Variants in PTDSS2 observed in about 807,000 individuals in gnomAD.
The protein encoded by PTDSS2 is PSS-2.
A neutral mutation model predicts 64.7 loss-of-function variants in PTDSS2; 41 were observed. The observed-to-expected ratio is 0.63, with a 90% CI of 0.49 to 0.82. The LOEUF (loss-of-function observed/expected upper bound fraction) is 0.82. Ranked by LOEUF, PTDSS2 falls within the 40% of genes least tolerant of loss-of-function variation. The pLI, the probability that PTDSS2 is intolerant of heterozygous loss-of-function variation, is 0.00. For missense variants in PTDSS2, 485 were observed against 650.0 expected, an observed-to-expected ratio of 0.75 and a Z score of 2.76; for synonymous variants, 297 against 277.8, an observed-to-expected ratio of 1.07 and a Z score of -0.69.
At chr11:478,989 C>A in intron 3 of PTDSS2, 96 bp from the exon 4 acceptor site, 1 of 927,784 alleles carries the variant, frequency 1.1e-6, no homozygotes, top group Non-Finnish European at 1.8e-6. Context: ...CCAGAAGAGA[C>A]ACTGGGTGTG....
chr11:486,374 T>A (rs1848387969), intron 4 of PTDSS2, among the ~76,000 whole-genome samples: 1 of 152,122 alleles, frequency 6.6e-6, no homozygotes, highest in Non-Finnish European at 1.5e-5. Context: ...TAGACCCCCA[T>A]GTCCTGAAGC....
At chr11:467,048 C>A (rs1003499150) in intron 2 of PTDSS2, among the ~76,000 whole-genome samples, 2 of 151,984 alleles carry the variant, frequency 1.3e-5, no homozygotes, top group Non-Finnish European at 2.9e-5. Flanking sequence ...GAGCAAGACC[C>A]TCTCTTTCAA....
intron 4 of PTDSS2, among the ~76,000 whole-genome samples, chr11:485,710 G>A (rs868675886): frequency 7.3e-6 from 1 of 136,788 alleles, no homozygotes; most frequent in Non-Finnish European, 1.7e-5. Flanking sequence ...CTGCGCAGGC[G>A]AGTGTAAACT....
intron 2 of PTDSS2, among the ~76,000 whole-genome samples, chr11:464,306 C>T (rs1280486322): frequency 6.6e-6 from 1 of 152,190 alleles, no homozygotes; most frequent in East Asian, 1.9e-4. Flanking sequence ...CTTGAGTCAA[C>T]GTTATTGACC....
At chr11:459,962 TC>T (rs1395298426) in intron 1 of PTDSS2, 12 of 539,736 alleles carry the variant, frequency 2.2e-5, no homozygotes, top group Non-Finnish European at 3.3e-6. Flanking sequence ...ACGGGGCTCT[TC>T]CTGTCCAGCC....
chr11:452,368 A>G (rs1445348225), intron 1 of PTDSS2, among the ~76,000 whole-genome samples: 1 of 152,258 alleles, frequency 6.6e-6, no homozygotes, highest in Non-Finnish European at 1.5e-5. Flanking sequence ...GTGTGGCAGG[A>G]GCCAGGGGGC....
Position 479,240 on chromosome 11 carries a change from GC to G in PTDSS2, c.435+91del, listed in dbSNP as rs3216784. 75,572 of 1,088,966 alleles carry G rather than the reference GC, an allele frequency of 0.069. 3,074 individuals are homozygous for G. Among genetic ancestry groups the G allele is most frequent in the Middle Eastern group, 0.083 (406 of 4,912 alleles). The allele number at this position is 1,088,966 out of a possible 1,614,324, so 67.5% of individuals were successfully genotyped here. ...TGACAAAGGAGGCCTTGCCCACACA[GC>G]CCTCGAGTGATGGGAGGAAGCAGGG... On this transcript the variant is annotated intron_variant, in intron 4 of 11. Coordinates refer to ENST00000308020, the MANE Select transcript of PTDSS2 (RefSeq NM_030783.3). The surrounding 1 kb of genome is among the most constrained non-coding windows in gnomAD (Gnocchi z 4.2).
chr11:451,876 C>G (rs7105974), intron 1 of PTDSS2, among the ~76,000 whole-genome samples: 5,472 of 152,292 alleles, frequency 0.036, 141 homozygotes, highest in South Asian at 0.073. Flanking sequence ...CATCCGAGCT[C>G]TCCTTTGGGG....
chr11:489,491 G>A lies in PTDSS2; in HGVS notation c.946G>A (p.Ala316Thr). The A allele has an allele frequency of 1.2e-6, 2 of 1,613,148 alleles. No individual in the cohort carries two copies. Among genetic ancestry groups the A allele is most frequent in the Non-Finnish European group, 1.7e-6 (2 of 1,179,776 alleles). The part of the protein sequence containing the change: ...KPASSLRRWL[A>T]VCGIILVFLL... The stretch of plus-strand genomic sequence containing the variant: ...GGCCTCCAGCCTGCGTCGCTGGCTG[G>A]CCGTGTGCGGCATCATCCTGGTGGT... Residue 316 changes from alanine (A) to threonine (T), a missense_variant, in exon 9 of 12, where the codon GCC becomes ACC. Physicochemically the swap from Ala to Thr is moderately conservative, Grantham distance 58. Coordinates refer to ENST00000308020, the MANE Select transcript of PTDSS2 (RefSeq NM_030783.3).
At position 491,171 on chromosome 11, in the gene PTDSS2, C is replaced by G. The variant is rs1848669277; in HGVS notation, c.*589C>G. Reference sequence around the variant, plus strand: ...ACTCCGTGGCTGAGAGGCAGCGGATCCAGGCAGCGATGCTGAGCCACCTCC... The same window carrying G: ...ACTCCGTGGCTGAGAGGCAGCGGATGCAGGCAGCGATGCTGAGCCACCTCC... On this transcript the variant is annotated 3_prime_UTR_variant, in exon 12 of 12. Transcript: ENST00000308020. 1 of 155,484 alleles carries G rather than the reference C, an allele frequency of 6.4e-6. No homozygotes were observed. Among genetic ancestry groups the G allele is most frequent in the Non-Finnish European group, 1.4e-5 (1 of 69,978 alleles). 9.6% of individuals were successfully genotyped at this position (155,484 alleles called of 1,614,324 possible). A position where few individuals can be genotyped will look rare whatever the true frequency, so the allele number is the denominator to read the frequency against.
intron 3 of PTDSS2, among the ~76,000 whole-genome samples, chr11:478,467 C>G (rs1847916740): frequency 6.6e-6 from 1 of 150,642 alleles, no homozygotes; most frequent in African/African-American, 2.4e-5. Flanking sequence ...AAAAAAGTGG[C>G]CAGCCACAGT....
chr11:488,957 G>A (rs547705137), intron 8 of PTDSS2, among the ~76,000 whole-genome samples: 38 of 152,376 alleles, frequency 2.5e-4, no homozygotes, highest in African/African-American at 8.9e-4. Context: ...AATAGTTGCA[G>A]GTACTTTGTC....
chr11:487,052 T>C lies in PTDSS2; in HGVS notation c.549T>C (p.Thr183=). Residue 183 remains threonine, a synonymous_variant, in exon 5 of 12, where the codon ACT becomes ACC. Coordinates refer to ENST00000308020, the MANE Select transcript of PTDSS2 (RefSeq NM_030783.3). ...TCATCTACGACCCAGACAATGAGAC[T>C]GACCCCTTTCACAACATCTGGGTAA... ...NCLIYDPDNE[T]DPFHNIWDKL... 6.2e-7 allele frequency: 1 copy of C among 1,613,326 alleles called. No individual in the cohort carries two copies. The highest frequency in any genetic ancestry group is 1.1e-5 in the South Asian group (1 of 91,004).
intron 2 of PTDSS2, among the ~76,000 whole-genome samples, chr11:467,603 A>G (rs1318218790): frequency 2.0e-5 from 3 of 151,982 alleles, no homozygotes; most frequent in African/African-American, 4.8e-5. Flanking sequence ...TAAAAATGCA[A>G]AAAATTAGCC....
At chr11:472,783 G>A (rs990138853) in intron 2 of PTDSS2, among the ~76,000 whole-genome samples, 7 of 152,230 alleles carry the variant, frequency 4.6e-5, no homozygotes, top group Non-Finnish European at 1.0e-4. Context: ...AATAGATAGC[G>A]TGTCTCTGTG....
intron 1 of PTDSS2, among the ~76,000 whole-genome samples, chr11:458,507 A>ATTTTTTTTTTTTTTTTTTTTTT (rs3082636): frequency 1.1e-5 from 1 of 93,906 alleles, no homozygotes; most frequent in African/African-American, 4.5e-5. Context: ...GCCTGGCCTG[A>ATTTTTTTTTTTTTTTTTTTTTT]TTTTTTTTTT....
intron 4 of PTDSS2, among the ~76,000 whole-genome samples, chr11:486,708 C>T (rs1442063885): frequency 3.3e-5 from 5 of 152,068 alleles, no homozygotes; most frequent in South Asian, 2.1e-4. Context: ...ACTAGCCGGG[C>T]GTGGTGGCGG....
chr11:474,432 G>A (rs539810974), intron 3 of PTDSS2, among the ~76,000 whole-genome samples: 1 of 150,440 alleles, frequency 6.6e-6, no homozygotes, highest in East Asian at 2.0e-4. Context: ...GGCCATGGGC[G>A]GGTGGGTGAG....
chr11:455,059 G>T (rs1403416928), intron 1 of PTDSS2, among the ~76,000 whole-genome samples: 2 of 152,144 alleles, frequency 1.3e-5, no homozygotes, highest in East Asian at 3.8e-4. Flanking sequence ...TGGCATTCTG[G>T]GTGTCCCTGA....
Sources: gnomAD v4.1 joint callset for allele counts (sites outside exome capture counted in the v4.1 genomes callset) on GRCh38, gnomAD v4.1.1 for gene constraint, Gnocchi (gnomAD v3.1) non-coding constraint, MANE v1.5 for transcripts, NCBI Gene and HGNC (gene_info 2026-07-23, HGNC 2026-07-21) for gene names.